ASXL3: variants seen among roughly 807,000 people sequenced by gnomAD.
ASXL3 encodes putative Polycomb group protein ASXL3.
A neutral mutation model predicts 170.6 loss-of-function variants in ASXL3; 34 were observed. The observed-to-expected ratio is 0.20, with a 90% CI of 0.15 to 0.27. ASXL3 has a LOEUF of 0.27. Among genes scored for constraint, ASXL3 ranks in the 10% least tolerant of loss-of-function variants. The pLI, the probability that ASXL3 is intolerant of heterozygous loss-of-function variation, is 1.00. For missense variants in ASXL3, 2,592 were observed against 2,695.3 expected, an observed-to-expected ratio of 0.96 and a Z score of 0.85; for synonymous variants, 1,002 against 989.1, an observed-to-expected ratio of 1.01 and a Z score of -0.24.
At chr18:33,660,081 C>T (rs1016097917) in intron 4 of ASXL3, among the ~76,000 whole-genome samples, 3 of 152,038 alleles carry the variant, frequency 2.0e-5, no homozygotes, top group African/African-American at 7.2e-5. Flanking sequence ...ATCATGGGTT[C>T]TGGAGCTAGA....
intron 8 of ASXL3, among the ~76,000 whole-genome samples, chr18:33,705,103 C>A (rs2066935639): frequency 6.6e-6 from 1 of 151,518 alleles, no homozygotes; most frequent in Non-Finnish European, 1.5e-5. Context: ...GTATATTTAT[C>A]ATATTAATAT....
chr18:33,680,151 G>A (rs1032491029), intron 7 of ASXL3, among the ~76,000 whole-genome samples: 35 of 151,454 alleles, frequency 2.3e-4, no homozygotes, highest in Non-Finnish European at 3.5e-4. Flanking sequence ...CAAAAATTTC[G>A]GTATCATTAA....
intron 2 of ASXL3, among the ~76,000 whole-genome samples, chr18:33,622,509 A>G (rs1412431230): frequency 6.6e-6 from 1 of 152,172 alleles, no homozygotes; most frequent in Admixed American, 6.6e-5. Flanking sequence ...GTAAGTTTGC[A>G]TGGGTATCAT....
intron 7 of ASXL3, among the ~76,000 whole-genome samples, chr18:33,682,032 T>A (rs77049909): frequency 0.012 from 1,876 of 152,284 alleles, 33 homozygotes; most frequent in African/African-American, 0.042. Flanking sequence ...TATCCTGTAT[T>A]TTCATAATTA....
chr18:33,666,150 T>C (rs2066252415), intron 5 of ASXL3, among the ~76,000 whole-genome samples: 1 of 152,180 alleles, frequency 6.6e-6, no homozygotes, highest in African/African-American at 2.4e-5. Context: ...CACCATCTGC[T>C]TGTTTATTTT....
intron 2 of ASXL3, among the ~76,000 whole-genome samples, chr18:33,640,318 G>T (rs1457684594): frequency 6.6e-6 from 1 of 151,670 alleles, no homozygotes; most frequent in East Asian, 1.9e-4. Flanking sequence ...TAAATTTTAA[G>T]ATTTTATTTT....
rs1279042251 is a variant in ASXL3 at position 33,745,820 on chromosome 18, C to T, written c.5972C>T (p.Ser1991Phe). 1 of 1,613,932 alleles carries T rather than the reference C, an allele frequency of 6.2e-7. No individual in the cohort carries two copies. Among genetic ancestry groups the T allele is most frequent in the Middle Eastern group, 1.6e-4 (1 of 6,062 alleles). The change falls in exon 12 of 12, where the codon TCC becomes TTC. Residue 1991 changes from serine to phenylalanine, a missense_variant. Ser to Phe is a radical substitution (Grantham distance 155). Coordinates refer to ENST00000269197, the MANE Select transcript of ASXL3 (RefSeq NM_030632.3). Reference sequence around the variant, plus strand: ...CAGCTAAGGTTAGCCAACATGTTATCCCCCAATATGCCCATGAAAGAAGGT... The same window carrying T: ...CAGCTAAGGTTAGCCAACATGTTATTCCCCAATATGCCCATGAAAGAAGGT... The part of the protein sequence containing the change: ...PHQLRLANML[S>F]PNMPMKEGDE...
At chr18:33,736,636 A>G (rs1275548965) in intron 10 of ASXL3, among the ~76,000 whole-genome samples, 6 of 152,064 alleles carry the variant, frequency 3.9e-5, no homozygotes, top group Non-Finnish European at 8.8e-5. Flanking sequence ...ATTTTTTTAG[A>G]TATTTATTAT....
At chr18:33,606,617 T>C (rs1170572191) in intron 1 of ASXL3, among the ~76,000 whole-genome samples, 2 of 152,020 alleles carry the variant, frequency 1.3e-5, no homozygotes, top group Non-Finnish European at 2.9e-5. Context: ...ATTCTTCCAA[T>C]AATCATAGAT....
At chr18:33,660,036 C>G (rs1429430546) in intron 4 of ASXL3, among the ~76,000 whole-genome samples, 3 of 152,016 alleles carry the variant, frequency 2.0e-5, no homozygotes, top group Non-Finnish European at 2.9e-5. Flanking sequence ...TGTATCAGAT[C>G]TTGACTTTTG....
chr18:33,675,489 A>G (rs2066411269), intron 7 of ASXL3, among the ~76,000 whole-genome samples: 1 of 152,226 alleles, frequency 6.6e-6, no homozygotes. Flanking sequence ...ATTAAAACAA[A>G]TGCTGTAAGT....
intron 2 of ASXL3, among the ~76,000 whole-genome samples, chr18:33,623,037 C>T (rs1479878040): frequency 6.6e-6 from 1 of 152,072 alleles, no homozygotes. Context: ...TACACAGACA[C>T]TCCTTATATT....
intron 8 of ASXL3, among the ~76,000 whole-genome samples, chr18:33,704,508 TA>T (rs1400172673): frequency 2.6e-5 from 4 of 152,110 alleles, no homozygotes; most frequent in African/African-American, 9.6e-5. Flanking sequence ...TTGCTACTCA[TA>T]AGTGTCCCAT....
At chr18:33,615,568 G>T (rs771656640) in intron 2 of ASXL3, among the ~76,000 whole-genome samples, 3 of 152,148 alleles carry the variant, frequency 2.0e-5, no homozygotes, top group Non-Finnish European at 4.4e-5. Flanking sequence ...CTTGATGCAG[G>T]GTTGCCTCAA....
At chr18:33,597,415 A>G (rs1368470446) in intron 1 of ASXL3, among the ~76,000 whole-genome samples, 1 of 151,948 alleles carries the variant, frequency 6.6e-6, no homozygotes, top group Non-Finnish European at 1.5e-5. Flanking sequence ...TATTATTTCT[A>G]TTATTTTATG....
chr18:33,715,459 A>G (rs1013923578), intron 8 of ASXL3, among the ~76,000 whole-genome samples: 1 of 152,210 alleles, frequency 6.6e-6, no homozygotes, highest in Non-Finnish European at 1.5e-5. Context: ...TTAAAATGTC[A>G]CTTACACATT....
At chr18:33,708,710 T>C (rs1471029095) in intron 8 of ASXL3, among the ~76,000 whole-genome samples, 1 of 152,170 alleles carries the variant, frequency 6.6e-6, no homozygotes, top group African/African-American at 2.4e-5. Context: ...TCTCTAGAAA[T>C]TGCCAAATGG....
chr18:33,605,714 C>T (rs1366880127), intron 1 of ASXL3: 1 of 152,088 alleles, frequency 6.6e-6, no homozygotes, highest in Non-Finnish European at 1.5e-5. Context: ...TTGTCTAGTA[C>T]ACTAGAGTTT....
chr18:33,715,304 G>A (rs17668601), intron 8 of ASXL3, among the ~76,000 whole-genome samples: 83,419 of 152,058 alleles, frequency 0.55, 23,371 homozygotes, highest in East Asian at 0.87. Context: ...CAAACTAGCA[G>A]GTTCTCTAAA....
Sources: gnomAD v4.1 joint callset for allele counts (sites outside exome capture counted in the v4.1 genomes callset) on GRCh38, gnomAD v4.1.1 for gene constraint, MANE v1.5 for transcripts, NCBI Gene and HGNC (gene_info 2026-07-23, HGNC 2026-07-21) for gene names.